Variants in ALDH16A1 observed in about 807,000 individuals in gnomAD.
ALDH16A1 encodes the protein aldehyde dehydrogenase family 16 member A1.
A neutral mutation model predicts 96.1 loss-of-function variants in ALDH16A1; 88 were observed. The observed-to-expected ratio is 0.92, with a 90% CI of 0.77 to 1.09. ALDH16A1 has a LOEUF of 1.09. ALDH16A1 is among the 50% of genes least tolerant of loss of function. The pLI is 0.00. For missense variants in ALDH16A1, 1,250 were observed against 1,112.6 expected (o/e 1.12, Z -1.76); for synonymous variants, 522 against 496.4 (o/e 1.05, Z -0.69).
In ALDH16A1 at chr19:49,470,297, T is replaced by A; in HGVS notation, c.2248-9T>A. 2 of 1,612,982 alleles carry A rather than the reference T, an allele frequency of 1.2e-6. No homozygotes were observed. Among genetic ancestry groups the A allele is most frequent in the Non-Finnish European group, 1.7e-6 (2 of 1,179,592 alleles). On this transcript the variant is annotated splice_polypyrimidine_tract_variant and intron_variant, in intron 16 of 16. Transcript: ENST00000293350. Reference sequence around the variant, plus strand: ...AGAAGTGCTTACCCCCGTCTCTTCCTCCCCTCAGGGTTCCCAGTTTGTCGA... The same window carrying A: ...AGAAGTGCTTACCCCCGTCTCTTCCACCCCTCAGGGTTCCCAGTTTGTCGA...
Position 49,456,126 on chromosome 19 carries a change from G to T in ALDH16A1, c.91-2360G>T, listed in dbSNP as rs571618547. ...CTTTTGGAATTTTGTTTTTCTTTTGGGGGGAAGCTTTCCAACTTGCACAGA... is the reference window on the plus strand; with the variant it reads ...CTTTTGGAATTTTGTTTTTCTTTTGTGGGGAAGCTTTCCAACTTGCACAGA... On this transcript the variant is annotated intron_variant, in intron 1 of 16. Transcript: ENST00000293350. Among the ~76,000 whole-genome samples, 27 of 152,194 alleles carry T rather than the reference G, an allele frequency of 1.8e-4. 1 individual carries two copies. In the South Asian group the frequency reaches 5.6e-3, roughly 32 times the overall value.
Position 49,459,853 on chromosome 19 carries a change from G to C in ALDH16A1, c.499+5G>C, listed in dbSNP as rs374429036. ...TGGCAGGCTGGGAGCCCATGGGTGA[G>C]ACCCTGGAGTCCCTAGCCCTATCCT... On this transcript the variant is annotated splice_donor_5th_base_variant and intron_variant, in intron 4 of 16. Coordinates refer to ENST00000293350, the MANE Select transcript of ALDH16A1 (RefSeq NM_153329.4). The surrounding 1 kb of genome is among the most constrained non-coding windows in gnomAD (Gnocchi z 4.1). 1.9e-6 allele frequency: 3 copies of C among 1,612,408 alleles called. No homozygotes were observed. Among genetic ancestry groups the C allele is most frequent in the African/African-American group, 2.7e-5 (2 of 74,848 alleles).
Position 49,453,246 on chromosome 19 carries a change from A to C in ALDH16A1, c.-86A>C. 10 of 1,270,366 alleles carry C rather than the reference A, an allele frequency of 7.9e-6. No individual in the cohort carries two copies. Among genetic ancestry groups the C allele is most frequent in the Middle Eastern group, 2.0e-4 (1 of 4,888 alleles). 78.7% of individuals were successfully genotyped at this position (1,270,366 alleles called of 1,614,324 possible). ...CATTAGCCCCGCCCCTTTGGGCTGG[A>C]ACCGGAGGTGTCGCTCTTCGGACCT... On this transcript the variant is annotated 5_prime_UTR_variant, in exon 1 of 17. Transcript: ENST00000293350.
intron 1 of ALDH16A1, 170 bp downstream of exon 1, chr19:49,453,591 C>T (rs118143551): frequency 2.7e-4 from 167 of 609,634 alleles, no homozygotes; most frequent in Non-Finnish European, 4.2e-4. Context: ...CTCCCTTGAG[C>T]CTTGGCGGTG....
At chr19:49,463,833 C>A (rs2079174275) in intron 8 of ALDH16A1, 21 bp from the exon 9 acceptor site, 1 of 1,607,588 alleles carries the variant, frequency 6.2e-7, no homozygotes, top group East Asian at 2.2e-5. Flanking sequence ...AAGTCGACTT[C>A]TAGATCATTT....
chr19:49,457,062 C>T (rs1425881166), intron 1 of ALDH16A1, among the ~76,000 whole-genome samples: 10 of 150,396 alleles, frequency 6.6e-5, no homozygotes, highest in Non-Finnish European at 1.3e-4. Flanking sequence ...GAGCTGAGAT[C>T]GCACCATTGC....
Position 49,468,876 on chromosome 19 carries a change from G to A in ALDH16A1, c.2137G>A (p.Val713Met), listed in dbSNP as rs780740363. 5.0e-6 allele frequency: 8 copies of A among 1,613,328 alleles called. No homozygotes were observed. Among genetic ancestry groups the A allele is most frequent in the African/African-American group, 1.3e-5 (1 of 74,892 alleles). Residue 713 changes from valine to methionine, a missense_variant, in exon 16 of 17, where the codon GTG becomes ATG. Val to Met is a conservative substitution (Grantham distance 21). Coordinates refer to ENST00000293350, the MANE Select transcript of ALDH16A1 (RefSeq NM_153329.4). This position sits in a 1 kb window ranked among gnomAD's most constrained non-coding sequence, Gnocchi z 4.4. ...ALEVCQDMAT[V>M]FPAGLANVVT... is the part of the protein sequence containing the mutation. ...CTCTATCCCCTAGGACATGGCCACC[G>A]TGTTCCCAGCAGGCCTGGCCAACGT...
At chr19:49,469,160 T>C (rs558342967) in intron 16 of ALDH16A1, 174 bp downstream of exon 16, 5 of 968,952 alleles carry the variant, frequency 5.2e-6, no homozygotes, top group African/African-American at 1.7e-5. Flanking sequence ...GAAGAGGCTG[T>C]CCTTAGCAAC....
Position 49,462,673 on chromosome 19 carries a change from C to A in ALDH16A1, c.1016C>A (p.Ala339Asp). The A allele has an allele frequency of 6.2e-7, 1 of 1,610,318 alleles. No homozygotes were observed. Residue 339 changes from alanine (A) to aspartate (D), a missense_variant, in exon 8 of 17, where the codon GCC becomes GAC. Physicochemically the swap from Ala to Asp is moderately radical, Grantham distance 126. Transcript: ENST00000293350. ...CGGAGTGGCCGAGGGCTGGATGGGG[C>A]CGTGGACATGGGGGCCCGGGGGGCT... ...RLRSGRGLDG[A>D]VDMGARGAAA...
chr19:49,468,953 C>T lies in ALDH16A1; in HGVS notation c.2214C>T (p.Asp738=), dbSNP rs747671680. ...CCCGCTGCCTGGCCTTGCACCAAGA[C>T]GTCCAGGCCATGTGGTATTTCGGAT... ...HLTRCLALHQ[D]VQAMWYFGSA... is the part of the protein sequence containing the mutation. The change falls in exon 16 of 17, where the codon GAC becomes GAT. Residue 738 remains aspartate (D), a synonymous_variant. Transcript: ENST00000293350. The surrounding 1 kb of genome is among the most constrained non-coding windows in gnomAD (Gnocchi z 4.4). The T allele has an allele frequency of 6.2e-7, 1 of 1,613,852 alleles. No homozygotes were observed. Among genetic ancestry groups the T allele is most frequent in the Non-Finnish European group, 8.5e-7 (1 of 1,179,862 alleles).
Position 49,460,885 on chromosome 19 carries a change from C to A in ALDH16A1, c.563C>A (p.Pro188His). 1 of 1,613,544 alleles carries A rather than the reference C, an allele frequency of 6.2e-7. No homozygotes were observed. Among genetic ancestry groups the A allele is most frequent in the East Asian group, 2.2e-5 (1 of 44,876 alleles). ...CTTGAGATGATGTGGAGGATTTGCC[C>A]TGCCCTGGCTGTGGGTAAATGATGG... ...SFLEMMWRIC[P>H]ALAVGCTVVA... is the part of the protein sequence containing the mutation. Residue 188 changes from proline to histidine, a missense_variant, in exon 5 of 17, where the codon CCT becomes CAT. Coordinates refer to ENST00000293350, the MANE Select transcript of ALDH16A1 (RefSeq NM_153329.4).
chr19:49,454,153 A>G (rs2079091643), intron 1 of ALDH16A1, among the ~76,000 whole-genome samples: 2 of 149,838 alleles, frequency 1.3e-5, no homozygotes, highest in Admixed American at 1.3e-4. Context: ...CCCCCAAGTA[A>G]CTGGGACCAG....
At chr19:49,462,427 A>G in intron 7 of ALDH16A1, 143 bp from the exon 8 acceptor site, 1 of 1,101,220 alleles carries the variant, frequency 9.1e-7, no homozygotes, top group South Asian at 1.6e-5. Context: ...GAGCCACCGC[A>G]TCCGGCCTCT....
Position 49,468,287 on chromosome 19 carries a change from C to A in ALDH16A1, c.1939-94C>A. Reference sequence around the variant, plus strand: ...TCCACAATGGTGCGGTTTGGGCCAACACCAAGTGTTGGGGAGAATGTAGAG... The same window carrying A: ...TCCACAATGGTGCGGTTTGGGCCAAAACCAAGTGTTGGGGAGAATGTAGAG... On this transcript the variant is annotated intron_variant, in intron 14 of 16. Transcript: ENST00000293350. This position sits in a 1 kb window ranked among gnomAD's most constrained non-coding sequence, Gnocchi z 4.4. 7.3e-7 allele frequency: 1 copy of A among 1,361,978 alleles called. No homozygotes were observed. Among genetic ancestry groups the A allele is most frequent in the Non-Finnish European group, 1.0e-6 (1 of 999,606 alleles). 84.4% of individuals were successfully genotyped at this position (1,361,978 alleles called of 1,614,324 possible). A position where few individuals can be genotyped will look rare whatever the true frequency, so the allele number is the denominator to read the frequency against.
chr19:49,465,434 C>G (rs2079189740), intron 12 of ALDH16A1, among the ~76,000 whole-genome samples: 1 of 150,746 alleles, frequency 6.6e-6, no homozygotes, highest in South Asian at 2.1e-4. Flanking sequence ...TGGGGTCCCC[C>G]AGAGGCTCAT....
rs891106141 is a variant in ALDH16A1, at chr19:49,453,491, G to A, written c.90+70G>A. ...CTGGGCGCCCGGTTTTTCGCGGGGA[G>A]TCCCGTCATCCACTGCGGTAGCTCA... On this transcript the variant is annotated intron_variant, in intron 1 of 16. Coordinates refer to ENST00000293350, the MANE Select transcript of ALDH16A1 (RefSeq NM_153329.4). The A allele has an allele frequency of 5.0e-6, 7 of 1,404,144 alleles. No homozygotes were observed. The African/African-American group carries it at 1.0e-4, about 20-fold the overall frequency. 87.0% of individuals were successfully genotyped at this position (1,404,144 alleles called of 1,614,324 possible). A position where few individuals can be genotyped will look rare whatever the true frequency, so the allele number is the denominator to read the frequency against.
rs772330148 is a variant in ALDH16A1 at position 49,453,300 on chromosome 19, G to T, written c.-32G>T. 22 of 1,528,150 alleles carry T rather than the reference G, an allele frequency of 1.4e-5. No individual in the cohort carries two copies. The highest frequency in any genetic ancestry group is 2.4e-5 in the South Asian group (2 of 83,532). The allele number at this position is 1,528,150 out of a possible 1,614,324, so 94.7% of individuals were successfully genotyped here. A position where few individuals can be genotyped will look rare whatever the true frequency, so the allele number is the denominator to read the frequency against. ...GGTTCCCCTTAACACAGAGCGCCCC[G>T]CAGTCTTCGCGGAAAGCGTTCGGGG... On this transcript the variant is annotated 5_prime_UTR_variant, in exon 1 of 17. Coordinates refer to ENST00000293350, the MANE Select transcript of ALDH16A1 (RefSeq NM_153329.4).
At position 49,461,611 on chromosome 19, in the gene ALDH16A1, T is replaced by C. The variant is rs1357016118; in HGVS notation, c.578-8T>C. 6.4e-7 allele frequency: 1 copy of C among 1,564,612 alleles called. No homozygotes were observed. Among genetic ancestry groups the C allele is most frequent in the African/African-American group, 1.4e-5 (1 of 72,606 alleles). ...CTCCTGGGCCTTTGAGCTGCCCCAC[T>C]TCCCCAGGCTGCACCGTGGTGGCCC... On this transcript the variant is annotated splice_region_variant and splice_polypyrimidine_tract_variant and intron_variant, in intron 5 of 16. Coordinates refer to ENST00000293350, the MANE Select transcript of ALDH16A1 (RefSeq NM_153329.4).
Position 49,470,247 on chromosome 19 carries a change from A to G in ALDH16A1, c.2248-59A>G, listed in dbSNP as rs111447750. The G allele has an allele frequency of 1.3e-3, 2,057 of 1,591,910 alleles. 16 individuals are homozygous for G. In the African/African-American group the frequency reaches 0.023, roughly 18 times the overall value. On this transcript the variant is annotated intron_variant, in intron 16 of 16. Transcript: ENST00000293350. ...CAGTAACAGTCTTCATCGCGGAGGAAGCAGGTGCTCAGCAACAAGCCTGCA... is the reference window on the plus strand; with the variant it reads ...CAGTAACAGTCTTCATCGCGGAGGAGGCAGGTGCTCAGCAACAAGCCTGCA...
Sources: allele counts gnomAD v4.1 joint callset (sites outside exome capture counted in the v4.1 genomes callset), GRCh38; gene constraint gnomAD v4.1.1; non-coding constraint Gnocchi (gnomAD v3.1); transcripts MANE v1.5; gene names NCBI Gene and HGNC (gene_info 2026-07-23, HGNC 2026-07-21).